SRFBP1: variants seen among roughly 807,000 people sequenced by gnomAD.
SRFBP1 encodes serum response factor-binding protein 1.
Under a neutral mutation model 45.5 loss-of-function variants are expected in SRFBP1, and 47 were observed. The observed-to-expected ratio is 1.03, with a 90% confidence interval of 0.82 to 1.32. The LOEUF is 1.32. Ranked by LOEUF, SRFBP1 falls within the 40% of genes most tolerant of loss-of-function variation. The pLI is 0.00. For missense variants in SRFBP1, 621 were observed against 484.6 expected (o/e 1.28, Z -2.64); for synonymous variants, 203 against 166.3 (o/e 1.22, Z -1.70).
At chr5:122,060,685 G>A (rs1421648849) in intron 2 of SRFBP1, among the ~76,000 whole-genome samples, 2 of 152,034 alleles carry the variant, frequency 1.3e-5, no homozygotes, top group African/African-American at 4.8e-5. Flanking sequence ...CGGTCTGCAG[G>A]CAACCAGATT....
chr5:121,982,328 T>A (rs1357358406), intron 3 of SRFBP1, among the ~76,000 whole-genome samples: 1 of 151,922 alleles, frequency 6.6e-6, no homozygotes, highest in Non-Finnish European at 1.5e-5. Context: ...CTCCTCACAC[T>A]CATGAAACAG....
intron 3 of SRFBP1, among the ~76,000 whole-genome samples, chr5:121,980,130 T>C (rs1485633183): frequency 6.6e-6 from 1 of 152,186 alleles, no homozygotes; most frequent in Non-Finnish European, 1.5e-5. Flanking sequence ...AATTCTTCCC[T>C]CCCTGATGTG....
downstream of SRFBP1, among the ~76,000 whole-genome samples, chr5:122,078,758 GC>G (rs1489376433): frequency 6.6e-6 from 1 of 152,154 alleles, no homozygotes; most frequent in Non-Finnish European, 1.5e-5. Flanking sequence ...TATGGGAAGC[GC>G]CCTCAGCAAA....
chr5:122,046,015 T>A (rs149892722), intron 2 of SRFBP1, among the ~76,000 whole-genome samples: 1 of 152,126 alleles, frequency 6.6e-6, no homozygotes, highest in Non-Finnish European at 1.5e-5. Flanking sequence ...TCTTATTATT[T>A]AAAAGTATGA....
At chr5:121,971,189 A>T (rs1351542330) in intron 1 of SRFBP1, among the ~76,000 whole-genome samples, 1 of 152,052 alleles carries the variant, frequency 6.6e-6, no homozygotes, top group Non-Finnish European at 1.5e-5. Context: ...AAAAAATTTT[A>T]TTGCGATGGC....
chr5:122,027,306 G>A lies in SRFBP1; in HGVS notation c.*180G>A, dbSNP rs1753503707. On this transcript the variant is annotated 3_prime_UTR_variant, in exon 8 of 8. Coordinates refer to ENST00000339397, the MANE Select transcript of SRFBP1 (RefSeq NM_152546.3). ...CTCCCAAAGGGCTGGGACTGCAGGT[G>A]CATGCACTACCATGCCCAGCTTTCT... 1 of 480,352 alleles carries A rather than the reference G, an allele frequency of 2.1e-6. No homozygotes were observed. The allele number at this position is 480,352 out of a possible 1,614,324, so 29.8% of individuals were successfully genotyped here. A position where few individuals can be genotyped will look rare whatever the true frequency, so the allele number is the denominator to read the frequency against.
chr5:121,973,383 A>G (rs1370269641), intron 1 of SRFBP1, among the ~76,000 whole-genome samples: 1 of 151,866 alleles, frequency 6.6e-6, no homozygotes. Flanking sequence ...GAAGAAGGGG[A>G]AGAAGGACAT....
At chr5:121,969,749 C>A (rs527544064) in intron 1 of SRFBP1, among the ~76,000 whole-genome samples, 3 of 152,144 alleles carry the variant, frequency 2.0e-5, no homozygotes, top group African/African-American at 7.2e-5. Context: ...GTTTGGAAGA[C>A]CCTTGGCTTG....
intron 4 of SRFBP1, among the ~76,000 whole-genome samples, chr5:122,014,516 A>G (rs188476508): frequency 6.6e-6 from 1 of 152,106 alleles, no homozygotes; most frequent in Non-Finnish European, 1.5e-5. Flanking sequence ...TAAGTGCTCC[A>G]CAAAGATTGC....
At chr5:121,972,555 T>C (rs981134980) in intron 1 of SRFBP1, among the ~76,000 whole-genome samples, 1 of 151,882 alleles carries the variant, frequency 6.6e-6, no homozygotes, top group African/African-American at 2.4e-5. Context: ...AATGAAGAAC[T>C]CAGAGTGTTT....
chr5:122,036,003 C>T (rs1270624420), intron 2 of SRFBP1, among the ~76,000 whole-genome samples: 1 of 152,166 alleles, frequency 6.6e-6, no homozygotes, highest in Non-Finnish European at 1.5e-5. Context: ...AACGATGGTC[C>T]TTTGTGTTTT....
chr5:122,027,447 T>C lies in SRFBP1; in HGVS notation c.*321T>C, dbSNP rs1753507544. The C allele has an allele frequency of 6.1e-6, 1 of 164,686 alleles. No homozygotes were observed. Among genetic ancestry groups the C allele is most frequent in the Admixed American group, 6.3e-5 (1 of 15,906 alleles). 10.2% of individuals were successfully genotyped at this position (164,686 alleles called of 1,614,324 possible). A position where few individuals can be genotyped will look rare whatever the true frequency, so the allele number is the denominator to read the frequency against. The stretch of plus-strand genomic sequence containing the variant: ...AAAGTAAATTCAACTTACGCTTATA[T>C]AAGCCTTTCACAAATCCAATATGTA... On this transcript the variant is annotated 3_prime_UTR_variant, in exon 8 of 8. Transcript: ENST00000339397.
intron 5 of SRFBP1, among the ~76,000 whole-genome samples, chr5:122,019,745 GCA>G (rs530273749): frequency 3.2e-4 from 48 of 151,472 alleles, no homozygotes; most frequent in Non-Finnish European, 5.3e-4. Flanking sequence ...ATGTCTGAAA[GCA>G]CAGTTTATAA....
At chr5:122,020,941 T>C in intron 6 of SRFBP1, 139 bp downstream of exon 6, 1 of 725,274 alleles carries the variant, frequency 1.4e-6, no homozygotes, top group Non-Finnish European at 2.1e-6. Context: ...CTCTCCAAGG[T>C]TGTAGTGGGG....
rs1212047109 is a variant in SRFBP1 at position 122,027,083 on chromosome 5, A to C, written c.1247A>C (p.Asn416Thr). The change falls in exon 8 of 8, where the codon AAT (asparagine) becomes ACT (threonine). Residue 416 changes from asparagine to threonine, a missense_variant. Asn to Thr is a moderately conservative substitution (Grantham distance 65). Coordinates refer to ENST00000339397, the MANE Select transcript of SRFBP1 (RefSeq NM_152546.3). ...AGAAGGCGAAAAGAACAGCAATCTA[A>C]TATTGCTGTGTTTCAGGGGAAAAAA... ...ASRRRKEQQS[N>T]IAVFQGKKIT... The C allele has an allele frequency of 1.9e-6, 3 of 1,612,142 alleles. No homozygotes were observed. Among genetic ancestry groups the C allele is most frequent in the Admixed American group, 1.7e-5 (1 of 59,716 alleles).
chr5:122,019,053 G>GT (rs1372375874), intron 4 of SRFBP1, among the ~76,000 whole-genome samples: 4 of 152,054 alleles, frequency 2.6e-5, no homozygotes, highest in African/African-American at 9.7e-5. Context: ...GATAATTTTA[G>GT]TTGTTCAAAG....
At chr5:122,076,895 G>T (rs759612771), downstream of SRFBP1, 1 of 1,613,916 alleles carries the variant, frequency 6.2e-7, no homozygotes, top group Admixed American at 1.7e-5. Context: ...GCCCGTACCT[G>T]GCCAGACAGT....
intron 3 of SRFBP1, among the ~76,000 whole-genome samples, chr5:121,983,573 T>A (rs1220406221): frequency 6.6e-6 from 1 of 151,814 alleles, no homozygotes; most frequent in Admixed American, 6.6e-5. Flanking sequence ...TTATGTTTAA[T>A]TAATATTTTT....
chr5:121,970,607 A>G (rs1423759128), intron 1 of SRFBP1, among the ~76,000 whole-genome samples: 6 of 151,426 alleles, frequency 4.0e-5, no homozygotes, highest in Non-Finnish European at 5.9e-5. Flanking sequence ...TTTTTTTTCT[A>G]AATGGGTCTT....
Sources: allele counts gnomAD v4.1 joint callset (sites outside exome capture counted in the v4.1 genomes callset), GRCh38; gene constraint gnomAD v4.1.1; transcripts MANE v1.5; gene names NCBI Gene and HGNC (gene_info 2026-07-23, HGNC 2026-07-21).